Variants in ASTN2 observed in about 807,000 individuals in gnomAD.
The protein encoded by ASTN2 is astrotactin-2.
A neutral mutation model predicts 139.8 loss-of-function variants in ASTN2; 54 were observed. The observed-to-expected ratio is 0.39, with a 90% CI of 0.31 to 0.48. The LOEUF (loss-of-function observed/expected upper bound fraction) is 0.48, where lower values mean the gene tolerates loss of function less well. Among genes scored for constraint, ASTN2 ranks in the 20% least tolerant of loss-of-function variants. The probability of loss-of-function intolerance (pLI) is 0.95; values close to 1 mark genes in which losing one functional copy is unlikely to be tolerated. For synonymous variants in ASTN2, 756 were observed against 719.5 expected, an observed-to-expected ratio of 1.05 and a Z score of -0.81; for missense variants, 1,565 against 1,725.1, an observed-to-expected ratio of 0.91 and a Z score of 1.64.
intron 2 of ASTN2, among the ~76,000 whole-genome samples, chr9:117,253,927 A>G (rs1476654801): frequency 6.6e-6 from 1 of 152,142 alleles, no homozygotes; most frequent in Admixed American, 6.5e-5. Context: ...TATCTGCATG[A>G]AGTGCCAGCA....
intron 10 of ASTN2, among the ~76,000 whole-genome samples, chr9:116,890,817 G>A (rs4534192): frequency 6.6e-6 from 1 of 152,130 alleles, no homozygotes; most frequent in African/African-American, 2.4e-5. Flanking sequence ...GGGGGGTGGA[G>A]CGGGGGTATA....
intron 1 of ASTN2, among the ~76,000 whole-genome samples, chr9:117,320,309 A>T (rs1828288123): frequency 6.6e-6 from 1 of 152,178 alleles, no homozygotes; most frequent in African/African-American, 2.4e-5. Context: ...ATCTGGCAGA[A>T]GCCCAGGATT....
chr9:116,508,079 C>T (rs1453949799), intron 19 of ASTN2, among the ~76,000 whole-genome samples: 1 of 151,968 alleles, frequency 6.6e-6, no homozygotes, highest in Non-Finnish European at 1.5e-5. Context: ...TTAGTAGAGA[C>T]GGGGTTTCTC....
At chr9:116,514,704 C>A (rs1184583076) in intron 19 of ASTN2, among the ~76,000 whole-genome samples, 1 of 152,014 alleles carries the variant, frequency 6.6e-6, no homozygotes, top group African/African-American at 2.4e-5. Flanking sequence ...CTCAGCAAAG[C>A]CTCCCCCAGC....
intron 13 of ASTN2, among the ~76,000 whole-genome samples, chr9:116,781,432 G>A (rs1443205134): frequency 1.3e-5 from 2 of 152,166 alleles, no homozygotes; most frequent in Admixed American, 6.6e-5. Context: ...AAAGCAGACA[G>A]GAAATTGGCC....
intron 19 of ASTN2, among the ~76,000 whole-genome samples, chr9:116,532,885 C>A (rs1167069480): frequency 6.6e-6 from 1 of 152,070 alleles, no homozygotes; most frequent in Non-Finnish European, 1.5e-5. Context: ...GTAGTTTTTC[C>A]AATTCTGTGA....
At chr9:116,997,855 T>C (rs565680524) in intron 7 of ASTN2, among the ~76,000 whole-genome samples, 1 of 152,326 alleles carries the variant, frequency 6.6e-6, no homozygotes, top group South Asian at 2.1e-4. Flanking sequence ...TCAATGTTCA[T>C]GTACTTCTTG....
intron 2 of ASTN2, among the ~76,000 whole-genome samples, chr9:117,220,085 G>T (rs1448161501): frequency 1.3e-5 from 2 of 152,262 alleles, no homozygotes; most frequent in East Asian, 1.9e-4. Context: ...GACATTCAAA[G>T]GTCTGGATAA....
chr9:117,003,949 C>CGTGTGTGTGTGTGTGTGTGT (rs1414573515), intron 7 of ASTN2, among the ~76,000 whole-genome samples: 1 of 128,674 alleles, frequency 7.8e-6, no homozygotes, highest in African/African-American at 3.6e-5. Context: ...CACGCGCGCG[C>CGTGTGTGTGTGTGTGTGTGT]GCGCGTGTGT....
chr9:117,394,047 T>A (rs1454932108), intron 1 of ASTN2, among the ~76,000 whole-genome samples: 1 of 152,214 alleles, frequency 6.6e-6, no homozygotes, highest in Non-Finnish European at 1.5e-5. Context: ...ACCCTTGGTG[T>A]CTTTTCAAAA....
Position 116,733,533 on chromosome 9 carries a change from G to C in ASTN2, c.2397-10C>G. The C allele has an allele frequency of 1.2e-6, 2 of 1,614,104 alleles. No homozygotes were observed. The highest frequency in any genetic ancestry group is 1.7e-6 in the Non-Finnish European group (2 of 1,179,960). On this transcript the variant is annotated splice_polypyrimidine_tract_variant and intron_variant, in intron 13 of 22. Coordinates refer to ENST00000313400, the MANE Select transcript of ASTN2 (RefSeq NM_001365068.1). ...GATGAAGTTGTTCTCCCTGTGGAGA[G>C]GAGCAGAGAGACTGCCAAATCGAGG...
intron 22 of ASTN2, among the ~76,000 whole-genome samples, chr9:116,438,573 T>G (rs1335469405): frequency 6.6e-6 from 1 of 152,068 alleles, no homozygotes; most frequent in Non-Finnish European, 1.5e-5. Context: ...AGACCCAATA[T>G]TAAACAAAAA....
intron 17 of ASTN2, among the ~76,000 whole-genome samples, chr9:116,648,435 T>C (rs1467222128): frequency 6.6e-6 from 1 of 151,980 alleles, no homozygotes; most frequent in Non-Finnish European, 1.5e-5. Flanking sequence ...CCTGGGCCTG[T>C]TCTTGTTATT....
chr9:117,229,216 T>C (rs1263098213), intron 2 of ASTN2, among the ~76,000 whole-genome samples: 3 of 152,118 alleles, frequency 2.0e-5, no homozygotes, highest in Non-Finnish European at 4.4e-5. Flanking sequence ...TCTTTCCTGG[T>C]TCAGAGAACA....
At chr9:117,151,118 C>T (rs371172907) in intron 3 of ASTN2, among the ~76,000 whole-genome samples, 1 of 152,144 alleles carries the variant, frequency 6.6e-6, no homozygotes. Flanking sequence ...CCACTTCAGC[C>T]TCTTGAGTAT....
chr9:117,374,830 T>G (rs780382407), intron 1 of ASTN2, among the ~76,000 whole-genome samples: 6 of 152,152 alleles, frequency 3.9e-5, no homozygotes, highest in Admixed American at 6.5e-5. Flanking sequence ...AGGCATTGCA[T>G]GAAGGAGAAA....
intron 2 of ASTN2, among the ~76,000 whole-genome samples, chr9:117,258,450 C>T (rs899548047): frequency 1.3e-5 from 2 of 152,154 alleles, no homozygotes; most frequent in African/African-American, 4.8e-5. Flanking sequence ...AAACACCTCC[C>T]TGATTATTGT....
At chr9:116,922,056 C>G (rs1245218087) in intron 10 of ASTN2, among the ~76,000 whole-genome samples, 1 of 152,200 alleles carries the variant, frequency 6.6e-6, no homozygotes, top group Non-Finnish European at 1.5e-5. Context: ...TCCTTCCTCT[C>G]TCACAGAAGT....
intron 5 of ASTN2, among the ~76,000 whole-genome samples, chr9:117,092,800 C>T (rs1351155633): frequency 6.6e-6 from 1 of 152,112 alleles, no homozygotes; most frequent in East Asian, 1.9e-4. Context: ...TGAGTCATTG[C>T]CTTTGCTAAA....
Sources: gnomAD v4.1 joint callset for allele counts (sites outside exome capture counted in the v4.1 genomes callset) on GRCh38, gnomAD v4.1.1 for gene constraint, MANE v1.5 for transcripts, NCBI Gene and HGNC (gene_info 2026-07-23, HGNC 2026-07-21) for gene names.